MYO10: variants seen among roughly 807,000 people sequenced by gnomAD.
The protein encoded by MYO10 is unconventional myosin-X.
Under a neutral mutation model 257.3 loss-of-function variants are expected in MYO10, and 133 were observed. That is an observed-to-expected ratio of 0.52 (90% CI 0.45 to 0.60). MYO10 has a LOEUF of 0.60. MYO10 is among the 20% of genes least tolerant of loss of function. The probability of loss-of-function intolerance (pLI) is 0.00; values close to 1 mark genes in which losing one functional copy is unlikely to be tolerated. For missense variants in MYO10, 2,399 were observed against 2,635.7 expected (o/e 0.91, Z 1.97); for synonymous variants, 1,104 against 1,028.6 (o/e 1.07, Z -1.40).
intron 1 of MYO10, among the ~76,000 whole-genome samples, chr5:16,899,581 G>A (rs546502607): frequency 1.8e-4 from 26 of 147,700 alleles, no homozygotes; most frequent in Middle Eastern, 3.6e-3. Context: ...AGCTTAAGCC[G>A]AGATCATGCC....
chr5:16,679,201 C>T, intron 33 of MYO10, among the ~76,000 whole-genome samples: 1 of 152,266 alleles, frequency 6.6e-6, no homozygotes, highest in East Asian at 1.9e-4. Context: ...GGAATTCACT[C>T]GTGTGGTCTG....
intron 19 of MYO10, among the ~76,000 whole-genome samples, chr5:16,740,563 C>T (rs182392041): frequency 8.7e-4 from 132 of 152,152 alleles, no homozygotes; most frequent in African/African-American, 3.1e-3. Context: ...TGGCACCTCC[C>T]GGGAGGGAAG....
chr5:16,703,852 A>C (rs963710102), intron 22 of MYO10, among the ~76,000 whole-genome samples: 5 of 143,962 alleles, frequency 3.5e-5, no homozygotes, highest in Admixed American at 3.0e-4. Flanking sequence ...ATTGCACTCC[A>C]GCCAGACGAG....
At chr5:16,828,814 C>A (rs1393669168) in intron 2 of MYO10, among the ~76,000 whole-genome samples, 3 of 152,076 alleles carry the variant, frequency 2.0e-5, no homozygotes, top group Admixed American at 1.3e-4. Context: ...CTCCCGGGCT[C>A]AAGCAGTCCT....
chr5:16,848,155 C>CTTTTTTTTTTTTTTTTTTTTTTTT (rs371042891), intron 2 of MYO10, among the ~76,000 whole-genome samples: 5 of 113,592 alleles, frequency 4.4e-5, no homozygotes, highest in African/African-American at 1.5e-4. Context: ...CTACACATTT[C>CTTTTTTTTTTTTTTTTTTTTTTTT]TTTTTTTTTT....
chr5:16,905,087 T>G (rs562959059), intron 1 of MYO10, among the ~76,000 whole-genome samples: 1 of 152,290 alleles, frequency 6.6e-6, no homozygotes, highest in South Asian at 2.1e-4. Context: ...TCAGTGAGTC[T>G]TGCATATGTA....
intron 2 of MYO10, among the ~76,000 whole-genome samples, chr5:16,860,706 C>T (rs1238024962): frequency 2.6e-5 from 4 of 151,862 alleles, no homozygotes; most frequent in South Asian, 2.1e-4. Context: ...AGAGAGTCAA[C>T]GGATGAACTC....
intron 9 of MYO10, among the ~76,000 whole-genome samples, chr5:16,774,564 G>A (rs1352392713): frequency 6.6e-6 from 1 of 151,968 alleles, no homozygotes; most frequent in Non-Finnish European, 1.5e-5. Context: ...TGGGACTACA[G>A]GCGCCCACCA....
rs536834720 is a variant in MYO10, at chr5:16,930,919, G to A, written c.21+4869C>T. Among the ~76,000 whole-genome samples, 3 of 152,256 alleles carry A rather than the reference G, an allele frequency of 2.0e-5. No homozygotes were observed. In the South Asian group the frequency reaches 6.2e-4, roughly 32 times the overall value. ...TCTTGAACGTCCCCTACTAGCTAGTGACATGAAAATGTTACGTAGCAGTTA... is the reference window on the plus strand; with the variant it reads ...TCTTGAACGTCCCCTACTAGCTAGTAACATGAAAATGTTACGTAGCAGTTA... On this transcript the variant is annotated intron_variant, in intron 1 of 40. Coordinates refer to ENST00000513610, the MANE Select transcript of MYO10 (RefSeq NM_012334.3).
chr5:16,704,527 A>G (rs1239261336), intron 22 of MYO10, 52 bp downstream of exon 22: 2 of 1,479,006 alleles, frequency 1.4e-6, no homozygotes, highest in African/African-American at 2.8e-5. Context: ...CTGGGAAGGA[A>G]GGACCCCCTC....
intron 2 of MYO10, among the ~76,000 whole-genome samples, chr5:16,838,117 C>A (rs1375964964): frequency 6.6e-6 from 1 of 152,092 alleles, no homozygotes. Flanking sequence ...AATGAAATAA[C>A]CCCACAATGG....
chr5:16,885,458 G>A (rs1437837193), intron 1 of MYO10, among the ~76,000 whole-genome samples: 1 of 152,126 alleles, frequency 6.6e-6, no homozygotes, highest in Non-Finnish European at 1.5e-5. Flanking sequence ...GATCACCTGA[G>A]GTCAGGAGTT....
chr5:16,859,893 C>T (rs1427174563), intron 2 of MYO10, among the ~76,000 whole-genome samples: 2 of 152,158 alleles, frequency 1.3e-5, no homozygotes, highest in African/African-American at 4.8e-5. Flanking sequence ...GCCCTTCCTT[C>T]AGGCCCCAAT....
intron 1 of MYO10, among the ~76,000 whole-genome samples, chr5:16,917,974 C>G (rs552010921): frequency 6.6e-6 from 1 of 152,150 alleles, no homozygotes; most frequent in Non-Finnish European, 1.5e-5. Flanking sequence ...ACCATGCTAG[C>G]CACTTTCTTT....
At chr5:16,901,711 C>T (rs950359250) in intron 1 of MYO10, among the ~76,000 whole-genome samples, 1 of 152,212 alleles carries the variant, frequency 6.6e-6, no homozygotes, top group African/African-American at 2.4e-5. Flanking sequence ...ATCTTTTAGA[C>T]TTCCCTACAA....
At chr5:16,769,582 C>T (rs967296356) in intron 9 of MYO10, among the ~76,000 whole-genome samples, 7 of 152,122 alleles carry the variant, frequency 4.6e-5, no homozygotes, top group Admixed American at 3.3e-4. Context: ...TCAAGTGAGC[C>T]ACCAACCTTG....
In MYO10 at chr5:16,679,524, G is replaced by GTTTTTTTTTTTT. The variant is rs33919452; in HGVS notation, c.4542+411_4542+422dup. Among the ~76,000 whole-genome samples the GTTTTTTTTTTTT allele has an allele frequency of 6.5e-4, 80 of 122,630 alleles. 3 individuals carry two copies. The highest frequency in any genetic ancestry group is 2.4e-3 in the African/African-American group (75 of 31,066). 80.5% of individuals were successfully genotyped at this position (122,630 alleles called of 152,430 possible). A position where few individuals can be genotyped will look rare whatever the true frequency, so the allele number is the denominator to read the frequency against. ...TTAACCAAGCGCTAGTTTTTTGGGT[G>GTTTTTTTTTTTT]TTTTTTTTTTTTTTTTTTGAGACGA... On this transcript the variant is annotated intron_variant, in intron 33 of 40. Coordinates refer to ENST00000513610, the MANE Select transcript of MYO10 (RefSeq NM_012334.3).
chr5:16,838,783 C>CT lies in MYO10; in HGVS notation c.121-20617dup, dbSNP rs547130269. Among the ~76,000 whole-genome samples the CT allele has an allele frequency of 3.7e-4, 56 of 152,288 alleles. 1 individual carries two copies. The East Asian group carries it at 0.01, about 28-fold the overall frequency. On this transcript the variant is annotated intron_variant, in intron 2 of 40. Coordinates refer to ENST00000513610, the MANE Select transcript of MYO10 (RefSeq NM_012334.3). ...TGTTAGGGGTTAATGCAAATGAGGA[C>CT]TTTAAGTTGAAGCCAGTGCTCATTT... is the stretch of plus-strand genomic sequence containing the variant.
intron 19 of MYO10, among the ~76,000 whole-genome samples, chr5:16,746,130 C>T (rs1740186678): frequency 6.6e-6 from 1 of 152,176 alleles, no homozygotes; most frequent in Non-Finnish European, 1.5e-5. Flanking sequence ...ACAAGGGGTG[C>T]ATTATTCATG....
Sources: gnomAD v4.1 joint callset for allele counts (sites outside exome capture counted in the v4.1 genomes callset) on GRCh38, gnomAD v4.1.1 for gene constraint, MANE v1.5 for transcripts, NCBI Gene and HGNC (gene_info 2026-07-23, HGNC 2026-07-21) for gene names.